CELF2: variants seen among roughly 807,000 people sequenced by gnomAD.
CELF2 encodes the protein CUG triplet repeat RNA-binding protein 2.
A neutral mutation model predicts 62.6 loss-of-function variants in CELF2; 8 were observed. The ratio of observed to expected loss-of-function variants is 0.13; its 90% CI spans 0.07 to 0.23. The LOEUF (loss-of-function observed/expected upper bound fraction) is 0.23. Among genes scored for constraint, CELF2 ranks in the 10% least tolerant of loss-of-function variants. CELF2 has a pLI of 1.00. For missense variants in CELF2, 333 were observed against 671.0 expected, an observed-to-expected ratio of 0.50 and a Z score of 5.56; for synonymous variants, 258 against 250.0, an observed-to-expected ratio of 1.03 and a Z score of -0.30.
chr10:10,862,162 T>A (rs2060079070), intron 1 of CELF2, among the ~76,000 whole-genome samples: 1 of 152,234 alleles, frequency 6.6e-6, no homozygotes, highest in Non-Finnish European at 1.5e-5. Flanking sequence ...GAGGCCCTAA[T>A]GTTCATGTGT....
chr10:11,310,207 G>A (rs943682126), intron 9 of CELF2, among the ~76,000 whole-genome samples: 3 of 152,224 alleles, frequency 2.0e-5, no homozygotes, highest in East Asian at 1.9e-4. Context: ...GTTGGCAGGG[G>A]TGGGAGCTGT....
the CELF2 span, among the ~76,000 whole-genome samples, chr10:10,515,688 A>G: frequency 6.6e-6 from 1 of 152,188 alleles, no homozygotes; most frequent in Non-Finnish European, 1.5e-5. Context: ...ACAGTGCAAG[A>G]CAAGCCAAGT....
At chr10:10,775,067 AGG>A in the CELF2 span, among the ~76,000 whole-genome samples, 1 of 151,924 alleles carries the variant, frequency 6.6e-6, no homozygotes, top group Non-Finnish European at 1.5e-5. Flanking sequence ...CAGTAGAGAC[AGG>A]TTTCACCATG....
At chr10:10,590,501 G>A in the CELF2 span, among the ~76,000 whole-genome samples, 4 of 152,186 alleles carry the variant, frequency 2.6e-5, no homozygotes, top group East Asian at 1.9e-4. Context: ...AGTAAGTGGT[G>A]TAATCAAAGA....
chr10:11,302,862 G>A lies in CELF2; in HGVS notation c.977-11277G>A, dbSNP rs959449242. On this transcript the variant is annotated intron_variant, in intron 9 of 12. Transcript: ENST00000633077. The surrounding 1 kb of genome is among the most constrained non-coding windows in gnomAD (Gnocchi z 5.0). ...GCCTTCACCAGAGTTCTGCCTGGAAGCATTAGAATCCTGCCTTCCCGGAGT... is the reference window on the plus strand; with the variant it reads ...GCCTTCACCAGAGTTCTGCCTGGAAACATTAGAATCCTGCCTTCCCGGAGT... Among the ~76,000 whole-genome samples, 4 of 152,212 alleles carry A rather than the reference G, an allele frequency of 2.6e-5. No homozygotes were observed. The highest frequency in any genetic ancestry group is 5.9e-5 in the Non-Finnish European group (4 of 68,024).
chr10:10,888,020 G>T (rs552489380), intron 1 of CELF2, among the ~76,000 whole-genome samples: 29 of 152,280 alleles, frequency 1.9e-4, no homozygotes, highest in African/African-American at 7.0e-4. Context: ...TGATCTGGCC[G>T]CCTTGGCCTT....
At chr10:11,124,592 A>G (rs2058350312) in intron 1 of CELF2, among the ~76,000 whole-genome samples, 1 of 152,198 alleles carries the variant, frequency 6.6e-6, no homozygotes, top group African/African-American at 2.4e-5. Context: ...TGTCAGGTGA[A>G]TGGGAAGTTC....
chr10:11,117,724 C>T lies in CELF2; in HGVS notation c.75-47762C>T, dbSNP rs1243503529. Among the ~76,000 whole-genome samples, 2 of 152,150 alleles carry T rather than the reference C, an allele frequency of 1.3e-5. No individual in the cohort carries two copies. The highest frequency in any genetic ancestry group is 2.4e-5 in the African/African-American group (1 of 41,430). ...AAGTATTTTTAAAATGTGTGACTCT[C>T]CAGAGAGGGTACCCTTGAGTGGCTC... On this transcript the variant is annotated intron_variant, in intron 1 of 12. Coordinates refer to ENST00000633077, the MANE Select transcript of CELF2 (RefSeq NM_001326342.2). This position sits in a 1 kb window ranked among gnomAD's most constrained non-coding sequence, Gnocchi z 4.1.
At chr10:11,032,663 G>T (rs61830392) in intron 1 of CELF2, among the ~76,000 whole-genome samples, 64,208 of 152,008 alleles carry the variant, frequency 0.42, 14,696 homozygotes, top group Non-Finnish European at 0.54. Flanking sequence ...CCAGGCCCCA[G>T]TAGAGTCCAA....
chr10:10,482,829 C>G, the CELF2 span, among the ~76,000 whole-genome samples: 1 of 152,132 alleles, frequency 6.6e-6, no homozygotes, highest in Non-Finnish European at 1.5e-5. Context: ...TTTCCCTGCC[C>G]TAAATCGCTC....
At chr10:10,721,746 A>T in the CELF2 span, among the ~76,000 whole-genome samples, 2 of 152,290 alleles carry the variant, frequency 1.3e-5, no homozygotes, top group African/African-American at 2.4e-5. Flanking sequence ...CACTAAACAC[A>T]GTCAGTTACA....
chr10:10,980,260 A>G lies in CELF2; in HGVS notation c.89+60261A>G, dbSNP rs146082000. The stretch of plus-strand genomic sequence containing the variant: ...CTCTGCTGGTGCTCCACTTTGTCAC[A>G]TACAGTTTTTGTTCCCAGATCTTAG... On this transcript the variant is annotated intron_variant, in intron 2 of 13. Coordinates refer to the CELF2 transcript ENST00000636488. Among the ~76,000 whole-genome samples the G allele has an allele frequency of 4.3e-4, 65 of 152,316 alleles. No individual in the cohort carries two copies. In the East Asian group the frequency reaches 0.011, roughly 27 times the overall value.
At chr10:10,542,619 A>G in the CELF2 span, among the ~76,000 whole-genome samples, 1 of 152,200 alleles carries the variant, frequency 6.6e-6, no homozygotes, top group Non-Finnish European at 1.5e-5. Context: ...AGAGGGGGTA[A>G]TTCCTGGATG....
At chr10:10,943,589 C>CT (rs1443240579) in intron 2 of CELF2, among the ~76,000 whole-genome samples, 1 of 151,948 alleles carries the variant, frequency 6.6e-6, no homozygotes, top group Admixed American at 6.6e-5. Flanking sequence ...AAACATTGCT[C>CT]TTTTCTGTTT....
At chr10:11,179,204 T>C (rs145584822) in intron 2 of CELF2, among the ~76,000 whole-genome samples, 39 of 152,206 alleles carry the variant, frequency 2.6e-4, no homozygotes, top group African/African-American at 7.0e-4. Flanking sequence ...GTAAATGGAG[T>C]TCAGAAGACA....
chr10:10,889,423 C>T (rs1370505454), intron 1 of CELF2, among the ~76,000 whole-genome samples: 1 of 152,118 alleles, frequency 6.6e-6, no homozygotes. Context: ...CACCTAATAC[C>T]TTTTAAAAGA....
At chr10:10,625,365 A>AT in the CELF2 span, among the ~76,000 whole-genome samples, 2 of 152,236 alleles carry the variant, frequency 1.3e-5, no homozygotes, top group African/African-American at 4.8e-5. Flanking sequence ...ATATTAATGC[A>AT]TTTGATGCTC....
At chr10:10,655,558 A>G in the CELF2 span, among the ~76,000 whole-genome samples, 2 of 114,114 alleles carry the variant, frequency 1.8e-5, no homozygotes, top group African/African-American at 6.2e-5. Context: ...AGCCCTCAGA[A>G]ATAACGCCGC....
At chr10:10,737,257 T>C in the CELF2 span, among the ~76,000 whole-genome samples, 308 of 152,300 alleles carry the variant, frequency 2.0e-3, 3 homozygotes, top group African/African-American at 7.2e-3. Flanking sequence ...TCCTTATTTT[T>C]GAAAAGCTAT....
Sources: gnomAD v4.1 joint callset for allele counts (sites outside exome capture counted in the v4.1 genomes callset) on GRCh38, gnomAD v4.1.1 for gene constraint, Gnocchi (gnomAD v3.1) non-coding constraint, MANE v1.5 for transcripts, NCBI Gene and HGNC (gene_info 2026-07-23, HGNC 2026-07-21) for gene names.